Variants in ADAMTSL4 observed in about 807,000 individuals in gnomAD.
ADAMTSL4 encodes ADAMTS like 4.
ADAMTSL4 carries 97 observed loss-of-function variants against 122.8 expected under a neutral mutation model. The ratio of observed to expected loss-of-function variants is 0.79; its 90% confidence interval spans 0.67 to 0.93. The LOEUF is 0.93. Among genes scored for constraint, ADAMTSL4 ranks in the 40% least tolerant of loss-of-function variants. ADAMTSL4 has a pLI of 0.00. For missense variants in ADAMTSL4, 1,408 were observed against 1,453.5 expected, an observed-to-expected ratio of 0.97 and a Z score of 0.51; for synonymous variants, 592 against 568.0, an observed-to-expected ratio of 1.04 and a Z score of -0.60.
At chr1:150,550,793 G>C (rs997667968) in intron 2 of ADAMTSL4, 2 of 456,406 alleles carry the variant, frequency 4.4e-6, no homozygotes, top group Admixed American at 2.4e-5. Flanking sequence ...TGAGGCGCCC[G>C]CTCTGGCTCA....
At position 150,553,853 on chromosome 1, in the gene ADAMTSL4, G is replaced by A. The variant is rs781657265; in HGVS notation, c.862G>A (p.Gly288Ser). Residue 288 changes from glycine (G) to serine (S), a missense_variant, in exon 6 of 19, where the codon GGT (glycine) becomes AGT (serine). Gly to Ser is a moderately conservative substitution (Grantham distance 56). Coordinates refer to ENST00000271643, the MANE Select transcript of ADAMTSL4 (RefSeq NM_019032.6). ...TCAGCCACGAAGGCCAAGTTCCCAG[G>A]GTTGGGCCAGTCCCCAGGTAGCAGG... ...SPQPRRPSSQ[G>S]WASPQVAGRR... 7 of 1,613,976 alleles carry A rather than the reference G, an allele frequency of 4.3e-6. No homozygotes were observed. In the South Asian group the frequency reaches 5.5e-5, roughly 13 times the overall value.
At position 150,556,358 on chromosome 1, in the gene ADAMTSL4, A is replaced by G. The variant is rs1373197727; in HGVS notation, c.1568A>G (p.Asn523Ser). Residue 523 changes from asparagine to serine, a missense_variant, in exon 9 of 19, where the codon AAC (asparagine) becomes AGC (serine). Physicochemically the swap from Asn to Ser is conservative, Grantham distance 46 (BLOSUM62 1). Transcript: ENST00000271643. This position sits in a 1 kb window ranked among gnomAD's most constrained non-coding sequence, Gnocchi z 4.1. ...ATTGCCCAGCTCCGGCCTAGCTCCAACTACCTGGGTGAGCACCCAGCTGCC... is the reference window on the plus strand; with the variant it reads ...ATTGCCCAGCTCCGGCCTAGCTCCAGCTACCTGGGTGAGCACCCAGCTGCC... ...LQIAQLRPSS[N>S]YLALRGPGGR... 6.2e-7 allele frequency: 1 copy of G among 1,613,910 alleles called. No homozygotes were observed. Among genetic ancestry groups the G allele is most frequent in the East Asian group, 2.2e-5 (1 of 44,864 alleles).
rs142547900 is a variant in ADAMTSL4, at chr1:150,559,895, C to G, written c.3078C>G (p.Ser1026Arg). ...RKRPCNSQPC[S>R]QRPDDQCKDS... ...GCCCCTGTAACAGCCAACCCTGCAG[C>G]CAGCGCCCTGGTAAAGAGCCCCCTC... The change falls in exon 18 of 19, where the codon AGC (serine) becomes AGG (arginine). Residue 1026 changes from serine (S) to arginine (R), a missense_variant. Transcript: ENST00000271643. The surrounding 1 kb of genome is among the most constrained non-coding windows in gnomAD (Gnocchi z 4.1). The G allele has an allele frequency of 3.4e-4, 547 of 1,613,864 alleles. 1 individual carries two copies. Among genetic ancestry groups the G allele is most frequent in the Non-Finnish European group, 4.4e-4 (519 of 1,180,038 alleles).
intron 13 of ADAMTSL4, 149 bp from the exon 14 acceptor site, chr1:150,557,796 C>T (rs963069975): frequency 3.7e-6 from 4 of 1,086,584 alleles, no homozygotes; most frequent in Admixed American, 2.8e-5. Context: ...GCAGGCTGAG[C>T]CCCCCAGGAA....
Position 150,557,280 on chromosome 1 carries a change from A to G in ADAMTSL4, c.1992A>G (p.Pro664=). Residue 664 remains proline, a synonymous_variant, in exon 12 of 19, where the codon CCA becomes CCG. Transcript: ENST00000271643. Reference sequence around the variant, plus strand: ...ATCCCAGGACACCCCTGGGGTCTCCAGCTGCGTACTGGAAACGAGTGGGAC... The same window carrying G: ...ATCCCAGGACACCCCTGGGGTCTCCGGCTGCGTACTGGAAACGAGTGGGAC... ...PPHPRTPLGS[P]AAYWKRVGHS... 6.2e-7 allele frequency: 1 copy of G among 1,609,864 alleles called. No individual in the cohort carries two copies. The highest frequency in any genetic ancestry group is 8.5e-7 in the Non-Finnish European group (1 of 1,178,672).
rs1288121775 is a variant in ADAMTSL4 at position 150,552,859 on chromosome 1, T to C, written c.79-39T>C. The C allele has an allele frequency of 1.9e-6, 3 of 1,594,794 alleles. No individual in the cohort carries two copies. The highest frequency in any genetic ancestry group is 1.7e-6 in the Non-Finnish European group (2 of 1,168,098). ...CATGGACACTCTGGACAGTTCCCTC[T>C]AATCCTTCCAATTCTGTCTGACCTT... is the stretch of plus-strand genomic sequence containing the variant. On this transcript the variant is annotated intron_variant, in intron 4 of 18. Transcript: ENST00000271643. The surrounding 1 kb of genome is among the most constrained non-coding windows in gnomAD (Gnocchi z 4.0).
Position 150,556,429 on chromosome 1 carries a change from AG to A in ADAMTSL4, c.1576+64del. ...TGTTCGGCCCTCCATACCCCTACTC[AG>A]AGCAGTGAGCAAGCCAAACAGGGGG... On this transcript the variant is annotated intron_variant, in intron 9 of 18. Transcript: ENST00000271643. This position sits in a 1 kb window ranked among gnomAD's most constrained non-coding sequence, Gnocchi z 4.1. 1 of 1,601,842 alleles carries A rather than the reference AG, an allele frequency of 6.2e-7. No homozygotes were observed. Among genetic ancestry groups the A allele is most frequent in the Non-Finnish European group, 8.5e-7 (1 of 1,172,486 alleles).
rs143983374 is a variant in ADAMTSL4 at position 150,558,993 on chromosome 1, G to C, written c.2591G>C (p.Arg864Pro). The C allele has an allele frequency of 1.2e-6, 2 of 1,610,910 alleles. No homozygotes were observed. The highest frequency in any genetic ancestry group is 2.2e-5 in the East Asian group (1 of 44,826). ...GCCGAGTGTGGGACGGGAATCCAGCGGCGCTCTGTGGTCTGCCTTGGGAGT... is the reference window on the plus strand; with the variant it reads ...GCCGAGTGTGGGACGGGAATCCAGCCGCGCTCTGTGGTCTGCCTTGGGAGT... Reference protein sequence around the residue: ...CSAECGTGIQRRSVVCLGSGA... With the variant: ...CSAECGTGIQPRSVVCLGSGA... The change falls in exon 16 of 19, where the codon CGG (arginine) becomes CCG (proline). Residue 864 changes from arginine to proline, a missense_variant. Arg to Pro is a moderately radical substitution (Grantham distance 103). Coordinates refer to ENST00000271643, the MANE Select transcript of ADAMTSL4 (RefSeq NM_019032.6).
At chr1:150,557,374 ACCC>A (rs778868853) in intron 12 of ADAMTSL4, 39 bp downstream of exon 12, 1 of 1,601,710 alleles carries the variant, frequency 6.2e-7, no homozygotes, top group South Asian at 1.1e-5. Flanking sequence ...CTCGGTCCAA[ACCC>A]CCCAACTGAC....
chr1:150,557,875 C>T (rs1211986632), intron 13 of ADAMTSL4, 70 bp from the exon 14 acceptor site: 8 of 1,539,982 alleles, frequency 5.2e-6, no homozygotes, highest in Non-Finnish European at 7.0e-6. Flanking sequence ...TCTTCCATCT[C>T]TGCTGCCACG....
In ADAMTSL4 at chr1:150,554,247, G is replaced by T; in HGVS notation, c.1132-118G>T. On this transcript the variant is annotated intron_variant, in intron 6 of 18. Coordinates refer to ENST00000271643, the MANE Select transcript of ADAMTSL4 (RefSeq NM_019032.6). This position sits in a 1 kb window ranked among gnomAD's most constrained non-coding sequence, Gnocchi z 4.0. The stretch of plus-strand genomic sequence containing the variant: ...GGGCCTTGGCATCTGACCACCTCAG[G>T]GCAGGGGTCTTGGAGCTCTTCCGCT... 2 of 1,438,956 alleles carry T rather than the reference G, an allele frequency of 1.4e-6. No homozygotes were observed. Among genetic ancestry groups the T allele is most frequent in the Non-Finnish European group, 1.9e-6 (2 of 1,032,374 alleles). The allele number at this position is 1,438,956 out of a possible 1,614,324, so 89.1% of individuals were successfully genotyped here. A position where few individuals can be genotyped will look rare whatever the true frequency, so the allele number is the denominator to read the frequency against.
Position 150,554,563 on chromosome 1 carries a change from C to T in ADAMTSL4, c.1234+96C>T. On this transcript the variant is annotated intron_variant, in intron 7 of 18. Transcript: ENST00000271643. This position sits in a 1 kb window ranked among gnomAD's most constrained non-coding sequence, Gnocchi z 4.0. Reference sequence around the variant, plus strand: ...CTTACTCCCAGCCCTGAATGACTTCCAGCCCCTCTGCTTCCCCTGCGCCAT... The same window carrying T: ...CTTACTCCCAGCCCTGAATGACTTCTAGCCCCTCTGCTTCCCCTGCGCCAT... 9 of 1,567,768 alleles carry T rather than the reference C, an allele frequency of 5.7e-6. No individual in the cohort carries two copies. The highest frequency in any genetic ancestry group is 1.7e-4 in the Middle Eastern group (1 of 6,006).
chr1:150,559,537 T>C lies in ADAMTSL4; in HGVS notation c.2943+71T>C. On this transcript the variant is annotated intron_variant, in intron 17 of 18. Coordinates refer to ENST00000271643, the MANE Select transcript of ADAMTSL4 (RefSeq NM_019032.6). This position sits in a 1 kb window ranked among gnomAD's most constrained non-coding sequence, Gnocchi z 4.1. ...TAGGGGAGGGGAGCTCCTCTCGCTGTACCCCCTCCAGGTCTCTCTGTGCCC... is the reference window on the plus strand; with the variant it reads ...TAGGGGAGGGGAGCTCCTCTCGCTGCACCCCCTCCAGGTCTCTCTGTGCCC... 6.3e-7 allele frequency: 1 copy of C among 1,596,548 alleles called. No individual in the cohort carries two copies. The highest frequency in any genetic ancestry group is 8.5e-7 in the Non-Finnish European group (1 of 1,171,344).
At chr1:150,555,610 C>CACAA (rs1362622026) in intron 8 of ADAMTSL4, 45 bp downstream of exon 8, 1 of 1,451,810 alleles carries the variant, frequency 6.9e-7, no homozygotes, top group Non-Finnish European at 9.3e-7. Context: ...TGCATATGCA[C>CACAA]ACAGACACAT....
At chr1:150,558,209 A>T in intron 14 of ADAMTSL4, 60 bp downstream of exon 14, 4 of 1,603,188 alleles carry the variant, frequency 2.5e-6, no homozygotes, top group Non-Finnish European at 3.4e-6. Context: ...GAACAACAGC[A>T]GTGGTTTTTC....
At chr1:150,550,871 G>T (rs1469600016) in intron 2 of ADAMTSL4, 1 of 456,512 alleles carries the variant, frequency 2.2e-6, no homozygotes, top group Non-Finnish European at 4.4e-6. Flanking sequence ...CTGAGTGTCT[G>T]CCCCCAGGCA....
chr1:150,557,434 G>A, intron 12 of ADAMTSL4, 60 bp from the exon 13 acceptor site: 2 of 1,611,390 alleles, frequency 1.2e-6, no homozygotes, highest in Admixed American at 1.7e-5. Flanking sequence ...CTGCGTCTGG[G>A]ACACCACTGA....
Position 150,552,475 on chromosome 1 carries a change from G to A in ADAMTSL4, c.21-68G>A, listed in dbSNP as rs917425224. 36 of 1,603,812 alleles carry A rather than the reference G, an allele frequency of 2.2e-5. No homozygotes were observed. Among genetic ancestry groups the A allele is most frequent in the African/African-American group, 6.7e-5 (5 of 74,674 alleles). ...CAGGATATGGGAGCCGGCTGGGGGC[G>A]GAGGGCAGTGTTGCAACACCCCCTC... is the stretch of plus-strand genomic sequence containing the variant. On this transcript the variant is annotated intron_variant, in intron 3 of 18. Coordinates refer to ENST00000271643, the MANE Select transcript of ADAMTSL4 (RefSeq NM_019032.6). This position sits in a 1 kb window ranked among gnomAD's most constrained non-coding sequence, Gnocchi z 4.0.
At position 150,557,136 on chromosome 1, in the gene ADAMTSL4, G is replaced by A; in HGVS notation, c.1862-14G>A. The A allele has an allele frequency of 6.2e-7, 1 of 1,612,634 alleles. No individual in the cohort carries two copies. On this transcript the variant is annotated splice_polypyrimidine_tract_variant and intron_variant, in intron 11 of 18. Coordinates refer to ENST00000271643, the MANE Select transcript of ADAMTSL4 (RefSeq NM_019032.6). ...CAGTGGGGTGGCATCTGATTCGCCT[G>A]CTCCCCTGCACAGAGATTCTGAGGG...
Sources: allele counts gnomAD v4.1 joint callset, GRCh38; gene constraint gnomAD v4.1.1; non-coding constraint Gnocchi (gnomAD v3.1); transcripts MANE v1.5; gene names NCBI Gene and HGNC (gene_info 2026-07-23, HGNC 2026-07-21).